Variants in MLXIP observed in about 807,000 individuals in gnomAD.
MLXIP encodes the protein MLX interacting protein, also known as MLX-interacting protein.
MLXIP carries 30 observed loss-of-function variants against 87.2 expected under a neutral mutation model. That is an observed-to-expected ratio of 0.34 (90% CI 0.26 to 0.47). The LOEUF is 0.47. Ranked by LOEUF, MLXIP falls within the 20% of genes least tolerant of loss-of-function variation. MLXIP has a pLI of 1.00. For missense variants in MLXIP, 1,002 were observed against 1,240.1 expected (o/e 0.81, Z 2.88); for synonymous variants, 530 against 514.0 (o/e 1.03, Z -0.42).
chr12:122,115,576 G>A (rs1210263944), intron 1 of MLXIP, among the ~76,000 whole-genome samples: 5 of 66,222 alleles, frequency 7.6e-5, no homozygotes, highest in South Asian at 6.1e-4. Context: ...CAACAAGAGC[G>A]AAACTCCTTC....
chr12:122,133,558 C>G lies in MLXIP; in HGVS notation c.1303C>G (p.Pro435Ala), dbSNP rs139656385. Reference protein sequence around the residue: ...PQPFLPVFTMPLLSPSPAPPP... With the variant: ...PQPFLPVFTMALLSPSPAPPP... The stretch of plus-strand genomic sequence containing the variant: ...GCCCTTCCTCCCTGTCTTCACCATG[C>G]CCCTGCTGTCTCCCAGCCCCGCCCC... The change falls in exon 9 of 17, where the codon CCC becomes GCC. Residue 435 changes from proline (P) to alanine (A), a missense_variant. Transcript: ENST00000319080. This position sits in a 1 kb window ranked among gnomAD's most constrained non-coding sequence, Gnocchi z 4.9. 6.2e-7 allele frequency: 1 copy of G among 1,606,590 alleles called. No individual in the cohort carries two copies. The highest frequency in any genetic ancestry group is 8.5e-7 in the Non-Finnish European group (1 of 1,176,752).
At chr12:122,134,189 TTTG>T (rs1953039328) in intron 9 of MLXIP, 1 of 673,676 alleles carries the variant, frequency 1.5e-6, no homozygotes, top group Non-Finnish European at 2.3e-6. Flanking sequence ...CTCTATCTTT[TTTG>T]TTTTTTTGTT....
At chr12:122,096,678 G>A (rs1408403959) in intron 1 of MLXIP, among the ~76,000 whole-genome samples, 2 of 152,198 alleles carry the variant, frequency 1.3e-5, no homozygotes, top group African/African-American at 4.8e-5. Flanking sequence ...TGTGGGGCAG[G>A]GGTAGAACGC....
chr12:122,138,901 T>G lies in MLXIP; in HGVS notation c.2471T>G (p.Val824Gly). Residue 824 changes from valine (V) to glycine (G), a missense_variant, in exon 15 of 17, where the codon GTG (valine) becomes GGG (glycine). Around this residue, in one of 3 missense-constraint regions of MLXIP, gnomAD observed 746 missense variants for 897.0 expected, o/e 0.83. Coordinates refer to ENST00000319080, the MANE Select transcript of MLXIP (RefSeq NM_014938.6). ...DHMKDMFDEY[V>G]KTRTLQNWKF... ...ATGAAAGACATGTTTGACGAATACG[T>G]GAAAACCCGGACCTTGCAGAATTGG... The G allele has an allele frequency of 6.2e-7, 1 of 1,614,088 alleles. No homozygotes were observed. The highest frequency in any genetic ancestry group is 8.5e-7 in the Non-Finnish European group (1 of 1,179,906).
At chr12:122,089,628 T>C (rs1401983749) in intron 1 of MLXIP, among the ~76,000 whole-genome samples, 1 of 152,216 alleles carries the variant, frequency 6.6e-6, no homozygotes, top group Non-Finnish European at 1.5e-5. Context: ...TCAGTGATTT[T>C]TTTTTTTAGT....
intron 1 of MLXIP, among the ~76,000 whole-genome samples, chr12:122,113,498 G>A (rs547584449): frequency 6.6e-6 from 1 of 151,890 alleles, no homozygotes; most frequent in South Asian, 2.1e-4. Flanking sequence ...GCTCTTCTGG[G>A]TTCAAGCGAT....
At chr12:122,118,379 A>G (rs1952724966) in intron 1 of MLXIP, among the ~76,000 whole-genome samples, 1 of 152,216 alleles carries the variant, frequency 6.6e-6, no homozygotes, top group Non-Finnish European at 1.5e-5. Context: ...TATTTCAACA[A>G]TACAAAACGG....
At chr12:122,101,840 A>G (rs868444737) in intron 1 of MLXIP, among the ~76,000 whole-genome samples, 1 of 152,082 alleles carries the variant, frequency 6.6e-6, no homozygotes, top group African/African-American at 2.4e-5. Flanking sequence ...TGGCCTCCCA[A>G]AGTGCTGGGA....
At chr12:122,111,718 C>T (rs1565971062) in intron 1 of MLXIP, among the ~76,000 whole-genome samples, 1 of 152,078 alleles carries the variant, frequency 6.6e-6, no homozygotes, top group Non-Finnish European at 1.5e-5. Context: ...TTCTAAATTT[C>T]CTTTTTATAT....
At chr12:122,093,965 A>G (rs1460824635) in intron 1 of MLXIP, among the ~76,000 whole-genome samples, 1 of 89,872 alleles carries the variant, frequency 1.1e-5, no homozygotes, top group Middle Eastern at 0.012. Flanking sequence ...GTGTGTTGGC[A>G]TGTGTGTGTG....
rs1232160114 is a variant in MLXIP at position 122,093,975 on chromosome 12, GGT to G, written c.413+14720_413+14721del. ...GGTGTGTGTGTTGGCATGTGTGTGT[GGT>G]GTGTGTGTGTTTGCGGTGTCTGGTG... On this transcript the variant is annotated intron_variant, in intron 1 of 16. Transcript: ENST00000319080. 1.6e-4 allele frequency among the ~76,000 whole-genome samples: 23 copies of G among 144,932 alleles called. 1 individual carries two copies. Among genetic ancestry groups the G allele is most frequent in the East Asian group, 1.3e-3 (6 of 4,676 alleles).
chr12:122,104,672 C>T (rs1593076918), intron 1 of MLXIP, among the ~76,000 whole-genome samples: 1 of 150,666 alleles, frequency 6.6e-6, no homozygotes, highest in African/African-American at 2.4e-5. Context: ...GTCTGCCTCC[C>T]GGGTTCAAGC....
At chr12:122,104,253 A>G (rs1012502216) in intron 1 of MLXIP, among the ~76,000 whole-genome samples, 30 of 152,196 alleles carry the variant, frequency 2.0e-4, no homozygotes, top group African/African-American at 6.3e-4. Context: ...ACTGCAATCA[A>G]TATACAGAAC....
rs1319905733 is a variant in MLXIP, at chr12:122,135,205, A to G, written c.1733-19A>G. 1.2e-6 allele frequency: 2 copies of G among 1,611,800 alleles called. No homozygotes were observed. The highest frequency in any genetic ancestry group is 2.7e-5 in the African/African-American group (2 of 75,000). On this transcript the variant is annotated intron_variant, in intron 9 of 16. Coordinates refer to ENST00000319080, the MANE Select transcript of MLXIP (RefSeq NM_014938.6). This position sits in a 1 kb window ranked among gnomAD's most constrained non-coding sequence, Gnocchi z 5.3. ...CTGTGGCCCAGGGCTGCACCTGAACATCCTCCTTATCCTGGCAGCTGCCTT... is the reference window on the plus strand; with the variant it reads ...CTGTGGCCCAGGGCTGCACCTGAACGTCCTCCTTATCCTGGCAGCTGCCTT...
At chr12:122,127,635 A>T (rs1163181859) in intron 2 of MLXIP, among the ~76,000 whole-genome samples, 4 of 152,222 alleles carry the variant, frequency 2.6e-5, no homozygotes, top group African/African-American at 9.6e-5. Context: ...GTGCTAGGGC[A>T]GGCTTGTGTT....
chr12:122,108,422 T>G (rs923834987), intron 1 of MLXIP, among the ~76,000 whole-genome samples: 7 of 150,938 alleles, frequency 4.6e-5, no homozygotes, highest in African/African-American at 1.7e-4. Flanking sequence ...AAATCTGGGA[T>G]TTTGCCATCA....
At chr12:122,128,060 C>G in intron 3 of MLXIP, 92 bp downstream of exon 3, 2 of 1,130,974 alleles carry the variant, frequency 1.8e-6, no homozygotes, top group Non-Finnish European at 2.6e-6. Flanking sequence ...GTAGGAGAGG[C>G]TGCCGAGGGT....
chr12:122,115,760 G>C (rs769090410), intron 1 of MLXIP, among the ~76,000 whole-genome samples: 1 of 151,900 alleles, frequency 6.6e-6, no homozygotes, highest in African/African-American at 2.4e-5. Context: ...ATATAAAATA[G>C]CAAGGGAAAC....
intron 1 of MLXIP, among the ~76,000 whole-genome samples, chr12:122,114,204 T>A (rs1375884498): frequency 6.6e-6 from 1 of 151,594 alleles, no homozygotes; most frequent in African/African-American, 2.4e-5. Flanking sequence ...CAGACTGTTA[T>A]CAAACTCCTG....
Sources: allele counts gnomAD v4.1 joint callset (sites outside exome capture counted in the v4.1 genomes callset), GRCh38; gene constraint gnomAD v4.1.1; regional missense constraint gnomAD v4.1.1; non-coding constraint Gnocchi (gnomAD v3.1); transcripts MANE v1.5; gene names NCBI Gene and HGNC (gene_info 2026-07-23, HGNC 2026-07-21).